Variants in MILR1 observed in about 807,000 individuals in gnomAD.
MILR1 encodes mast cell immunoglobulin like receptor 1, also known as allergin-1.
MILR1 carries 31 observed loss-of-function variants against 18.5 expected under a neutral mutation model. That is an observed-to-expected ratio of 1.68 (90% confidence interval 1.26 to 2.26). MILR1 has a LOEUF of 2.26. Ranked by LOEUF, MILR1 falls within the 30% of genes most tolerant of loss-of-function variation. The pLI is 0.00. For synonymous variants in MILR1, 85 were observed against 56.2 expected, an observed-to-expected ratio of 1.51 and a Z score of -2.30; for missense variants, 257 against 157.4, an observed-to-expected ratio of 1.63 and a Z score of -3.38.
chr17:64,467,616 G>A lies in MILR1; in HGVS notation c.1031G>A (p.Ter344=), dbSNP rs1555663703. 5 of 1,561,900 alleles carry A rather than the reference G, an allele frequency of 3.2e-6. 1 individual carries two copies. The African/African-American group carries it at 6.8e-5, about 21-fold the overall frequency. Reference sequence around the variant, plus strand: ...TATGTCTATTCTGAACTCAACTTCTGAAATTTACAGAAACAAACTACATCT... The same window carrying A: ...TATGTCTATTCTGAACTCAACTTCTAAAATTTACAGAAACAAACTACATCT... ...SGYVYSELNF[*] is the part of the protein sequence containing the mutation. Residue 344 remains the stop codon, a stop_retained_variant, in exon 9 of 10, where the codon TGA becomes TAA. Transcript: ENST00000619286.
chr17:64,473,075 C>T (rs188796677), downstream of MILR1, among the ~76,000 whole-genome samples: 89 of 152,172 alleles, frequency 5.8e-4, 2 homozygotes, highest in East Asian at 0.016. Flanking sequence ...TTTGGCCGGG[C>T]GTGGTGGCTC....
chr17:64,488,482 A>G, the MILR1 span, among the ~76,000 whole-genome samples: 1 of 150,800 alleles, frequency 6.6e-6, no homozygotes, highest in South Asian at 2.1e-4. Context: ...GCAGGAGAAC[A>G]GCTTGAGCCC....
the MILR1 span, among the ~76,000 whole-genome samples, chr17:64,492,296 A>C: frequency 6.6e-6 from 1 of 152,210 alleles, no homozygotes; most frequent in African/African-American, 2.4e-5. Flanking sequence ...GAGTACTAAA[A>C]CTTGATCATC....
the MILR1 span, chr17:64,491,630 A>C: frequency 6.6e-7 from 1 of 1,504,994 alleles, no homozygotes; most frequent in Non-Finnish European, 9.2e-7. Context: ...GCCTTGATGG[A>C]GCGTTTCAAA....
intron 6 of MILR1, 100 bp downstream of exon 6, chr17:64,465,641 G>C: frequency 7.9e-7 from 1 of 1,261,614 alleles, no homozygotes; most frequent in South Asian, 1.4e-5. Context: ...TGGAGCAAAA[G>C]GGATAGAGTT....
chr17:64,471,553 C>T (rs994379239), downstream of MILR1, among the ~76,000 whole-genome samples: 25 of 152,190 alleles, frequency 1.6e-4, no homozygotes, highest in African/African-American at 6.0e-4. Context: ...AGTAGACCCT[C>T]AGATGCTGCT....
At chr17:64,483,345 C>T in the MILR1 span, among the ~76,000 whole-genome samples, 1 of 149,918 alleles carries the variant, frequency 6.7e-6, no homozygotes, top group Admixed American at 6.6e-5. Flanking sequence ...GAAAACTTCT[C>T]TCTACCAAAA....
the MILR1 span, among the ~76,000 whole-genome samples, chr17:64,495,976 T>G: frequency 6.6e-6 from 1 of 152,256 alleles, no homozygotes. Context: ...TGCAAAATGC[T>G]GGGATTACAG....
the MILR1 span, chr17:64,484,169 C>T: frequency 6.6e-6 from 1 of 152,062 alleles, no homozygotes; most frequent in Non-Finnish European, 1.5e-5. Context: ...GTGGTAGGTG[C>T]TAAAAAAGGA....
chr17:64,471,135 C>A (rs1192964988), downstream of MILR1, among the ~76,000 whole-genome samples: 1 of 152,034 alleles, frequency 6.6e-6, no homozygotes, highest in Non-Finnish European at 1.5e-5. Flanking sequence ...GACCTGAAAG[C>A]AGAGCCTGAA....
At chr17:64,482,764 G>A in the MILR1 span, among the ~76,000 whole-genome samples, 1 of 152,146 alleles carries the variant, frequency 6.6e-6, no homozygotes, top group Admixed American at 6.5e-5. Flanking sequence ...TGAGTTCAAA[G>A]GAAATGCTCA....
the MILR1 span, chr17:64,496,769 T>A: frequency 6.2e-7 from 1 of 1,613,828 alleles, no homozygotes; most frequent in Non-Finnish European, 8.5e-7. Flanking sequence ...TAACAGCGCC[T>A]CGCTTCCCTC....
chr17:64,449,268 G>T (rs1354718996), intron 1 of MILR1, 45 bp downstream of exon 1: 2 of 473,346 alleles, frequency 4.2e-6, no homozygotes, highest in Admixed American at 6.4e-5. Context: ...CCAAGCCAAC[G>T]TGTCATGTGG....
chr17:64,465,019 C>T (rs905660971), intron 5 of MILR1, among the ~76,000 whole-genome samples: 9 of 152,108 alleles, frequency 5.9e-5, no homozygotes, highest in African/African-American at 1.9e-4. Flanking sequence ...AACCAGGATG[C>T]GGAGGTTGCG....
chr17:64,483,646 C>T, the MILR1 span, among the ~76,000 whole-genome samples: 1 of 151,904 alleles, frequency 6.6e-6, no homozygotes, highest in Admixed American at 6.6e-5. Context: ...AACTTTCTCT[C>T]TCTTGTCAAA....
the MILR1 span, among the ~76,000 whole-genome samples, chr17:64,488,045 T>A: frequency 0.036 from 5,467 of 151,746 alleles, 162 homozygotes; most frequent in Non-Finnish European, 0.052. Context: ...ACATTAACCA[T>A]AAAATCAACT....
chr17:64,452,216 G>A (rs2144004974), intron 2 of MILR1, among the ~76,000 whole-genome samples: 1 of 151,704 alleles, frequency 6.6e-6, no homozygotes, highest in East Asian at 1.9e-4. Context: ...AGGATTATAG[G>A]CGTCAACCAC....
chr17:64,468,305 T>C lies in MILR1; in HGVS notation c.*29-5T>C, dbSNP rs1555663884. The C allele has an allele frequency of 4.4e-6, 2 of 455,802 alleles. No homozygotes were observed. Among genetic ancestry groups the C allele is most frequent in the South Asian group, 1.5e-5 (1 of 64,536 alleles). The allele number at this position is 455,802 out of a possible 1,614,324, so 28.2% of individuals were successfully genotyped here. ...CTCTCTTGTCTCTCTCTTTTTTTTT[T>C]TGAGATGGAGTCTCACTCTGTTGCC... On this transcript the variant is annotated splice_polypyrimidine_tract_variant and splice_region_variant and intron_variant, in intron 9 of 9. Coordinates refer to ENST00000619286, the MANE Select transcript of MILR1 (RefSeq NM_001085423.2).
At chr17:64,497,000 A>T in the MILR1 span, 1 of 1,578,434 alleles carries the variant, frequency 6.3e-7, no homozygotes, top group Non-Finnish European at 8.6e-7. Flanking sequence ...ACACTCTCCC[A>T]TCACTCAACG....
Sources: allele counts gnomAD v4.1 joint callset (sites outside exome capture counted in the v4.1 genomes callset), GRCh38; gene constraint gnomAD v4.1.1; transcripts MANE v1.5; gene names NCBI Gene and HGNC (gene_info 2026-07-23, HGNC 2026-07-21).